Variants in ZFAT observed in about 807,000 individuals in gnomAD.
The protein encoded by ZFAT is zinc finger and AT-hook domain containing.
A neutral mutation model predicts 117.7 loss-of-function variants in ZFAT; 64 were observed. The observed-to-expected ratio is 0.54, with a 90% CI of 0.44 to 0.67. The LOEUF is 0.67. ZFAT is among the 30% of genes least tolerant of loss of function. The pLI is 0.00. For synonymous variants in ZFAT, 679 were observed against 615.0 expected, an observed-to-expected ratio of 1.10 and a Z score of -1.54; for missense variants, 1,433 against 1,584.5, an observed-to-expected ratio of 0.90 and a Z score of 1.62.
intron 11 of ZFAT, among the ~76,000 whole-genome samples, chr8:134,551,117 G>A (rs1020247416): frequency 1.1e-4 from 17 of 152,222 alleles, no homozygotes; most frequent in African/African-American, 3.9e-4. Context: ...AGGCATAGCA[G>A]TGAGGGGAAA....
intron 11 of ZFAT, among the ~76,000 whole-genome samples, chr8:134,558,421 A>G (rs1421638310): frequency 6.6e-6 from 1 of 152,246 alleles, no homozygotes; most frequent in African/African-American, 2.4e-5. Context: ...AAGAAGACAG[A>G]GGCTCAAAAA....
intron 1 of ZFAT, among the ~76,000 whole-genome samples, chr8:134,691,773 T>G (rs929082294): frequency 6.6e-6 from 1 of 152,186 alleles, no homozygotes; most frequent in African/African-American, 2.4e-5. Flanking sequence ...CTCAATAGAT[T>G]GTAAGCTCCA....
At chr8:134,753,952 A>C in the ZFAT span, among the ~76,000 whole-genome samples, 1 of 152,256 alleles carries the variant, frequency 6.6e-6, no homozygotes, top group Non-Finnish European at 1.5e-5. Context: ...GCCTGTCTGC[A>C]GCACAGCCTC....
chr8:134,588,534 A>C (rs1826225323), intron 8 of ZFAT, 139 bp from the exon 9 acceptor site: 1 of 948,718 alleles, frequency 1.1e-6, no homozygotes, highest in African/African-American at 1.7e-5. Flanking sequence ...TTTTCACCTA[A>C]AAAGTAAAAC....
chr8:134,732,500 C>G, the ZFAT span, among the ~76,000 whole-genome samples: 1 of 152,310 alleles, frequency 6.6e-6, no homozygotes, highest in South Asian at 2.1e-4. Context: ...GACTCTACTT[C>G]TGAGATTCTC....
At chr8:134,691,676 T>C (rs1360492120) in intron 1 of ZFAT, among the ~76,000 whole-genome samples, 1 of 152,228 alleles carries the variant, frequency 6.6e-6, no homozygotes, top group African/African-American at 2.4e-5. Context: ...AGGTCTCTGG[T>C]ACTCCCTCCT....
At chr8:134,610,736 G>C in intron 3 of ZFAT, 81 bp from the exon 4 acceptor site, 1 of 1,493,774 alleles carries the variant, frequency 6.7e-7, no homozygotes, top group Non-Finnish European at 9.1e-7. Context: ...CTCTTTCACG[G>C]GACAGTAAAG....
chr8:134,511,796 A>T (rs908067095), intron 14 of ZFAT, among the ~76,000 whole-genome samples: 1 of 152,306 alleles, frequency 6.6e-6, no homozygotes, highest in South Asian at 2.1e-4. Flanking sequence ...TTTTTTTTAG[A>T]ACTGATTTAA....
intron 11 of ZFAT, among the ~76,000 whole-genome samples, chr8:134,533,422 G>A (rs2130570153): frequency 6.6e-6 from 1 of 152,300 alleles, no homozygotes; most frequent in East Asian, 1.9e-4. Flanking sequence ...AGTGGTCACA[G>A]CAGTAGGTTC....
chr8:134,818,561 A>G, the ZFAT span, among the ~76,000 whole-genome samples: 10 of 152,236 alleles, frequency 6.6e-5, no homozygotes, highest in Admixed American at 1.3e-4. Context: ...TAGAACATAT[A>G]GCTACCATAT....
the ZFAT span, among the ~76,000 whole-genome samples, chr8:134,735,186 G>C: frequency 6.6e-6 from 1 of 152,132 alleles, no homozygotes; most frequent in Non-Finnish European, 1.5e-5. Context: ...TGGATTTGGG[G>C]GATATAAAAA....
chr8:134,677,917 T>C (rs1586938361), intron 1 of ZFAT, among the ~76,000 whole-genome samples: 1 of 152,212 alleles, frequency 6.6e-6, no homozygotes, highest in African/African-American at 2.4e-5. Context: ...CTAAAAACTC[T>C]CAATAAACTA....
chr8:134,807,726 A>C, the ZFAT span, among the ~76,000 whole-genome samples: 20 of 152,084 alleles, frequency 1.3e-4, no homozygotes, highest in African/African-American at 3.4e-4. Context: ...AAAAAAAAAA[A>C]AACAAAAAAC....
intron 5 of ZFAT, among the ~76,000 whole-genome samples, chr8:134,605,002 T>A (rs185306127): frequency 1.3e-5 from 2 of 152,324 alleles, no homozygotes; most frequent in Admixed American, 1.3e-4. Flanking sequence ...ATCTAAATGG[T>A]CTTAGGAGAA....
intron 7 of ZFAT, among the ~76,000 whole-genome samples, chr8:134,593,392 T>C (rs1016717165): frequency 1.2e-4 from 18 of 152,146 alleles, no homozygotes; most frequent in African/African-American, 4.1e-4. Flanking sequence ...CATTTACTTC[T>C]TTTTCAAAAC....
At chr8:134,827,793 T>G in the ZFAT span, among the ~76,000 whole-genome samples, 1 of 151,682 alleles carries the variant, frequency 6.6e-6, no homozygotes, top group Non-Finnish European at 1.5e-5. Flanking sequence ...AAATTCTAGT[T>G]AATATTATTT....
At chr8:134,624,591 A>C (rs753245119) in intron 3 of ZFAT, among the ~76,000 whole-genome samples, 25 of 152,054 alleles carry the variant, frequency 1.6e-4, no homozygotes, top group African/African-American at 4.8e-5. Flanking sequence ...CAGGAGGTGG[A>C]GGTTGCAATG....
chr8:134,560,653 G>C lies in ZFAT; in HGVS notation c.2976+4680C>G, dbSNP rs139772935. ...TCTATTTGGAAGAAAGCAAAGAGTT[G>C]AATAGCTAGATGGAAGGATTTGGAA... On this transcript the variant is annotated intron_variant, in intron 11 of 15. Transcript: ENST00000377838. 3.0e-3 allele frequency among the ~76,000 whole-genome samples: 451 copies of C among 152,162 alleles called. 11 individuals are homozygous for C. Among genetic ancestry groups the C allele is most frequent in the Non-Finnish European group, 7.2e-4 (49 of 68,002 alleles).
intron 3 of ZFAT, among the ~76,000 whole-genome samples, chr8:134,621,384 C>T (rs1365061715): frequency 6.6e-6 from 1 of 152,100 alleles, no homozygotes; most frequent in African/African-American, 2.4e-5. Flanking sequence ...TTCTGAGTGG[C>T]ACATGACAGT....
Sources: allele counts gnomAD v4.1 joint callset (sites outside exome capture counted in the v4.1 genomes callset), GRCh38; gene constraint gnomAD v4.1.1; transcripts MANE v1.5; gene names NCBI Gene and HGNC (gene_info 2026-07-23, HGNC 2026-07-21).